Variants in CNGB3 observed in about 807,000 individuals in gnomAD.
The protein encoded by CNGB3 is cyclic nucleotide gated channel subunit beta 3.
CNGB3 carries 86 observed loss-of-function variants against 92.8 expected under a neutral mutation model. That is an observed-to-expected ratio of 0.93 (90% CI 0.78 to 1.11). The LOEUF (loss-of-function observed/expected upper bound fraction) is 1.11, where lower values mean the gene tolerates loss of function less well. Among genes scored for constraint, CNGB3 ranks in the 50% least tolerant of loss-of-function variants. CNGB3 has a pLI of 0.00. For synonymous variants in CNGB3, 333 were observed against 332.7 expected (o/e 1.00, Z -0.01); for missense variants, 1,026 against 956.8 (o/e 1.07, Z -0.95).
intron 14 of CNGB3, 28 bp from the exon 15 acceptor site, chr8:86,604,239 GTAGT>G (rs1223136199): frequency 1.5e-6 from 2 of 1,364,598 alleles, no homozygotes; most frequent in Non-Finnish European, 2.1e-6. Flanking sequence ...AGAGGAAATG[GTAGT>G]TACTTTATTC....
intron 3 of CNGB3, among the ~76,000 whole-genome samples, chr8:86,681,246 C>A (rs62525672): frequency 0.024 from 3,669 of 151,678 alleles, 68 homozygotes; most frequent in South Asian, 0.037. Flanking sequence ...TAGATTATTG[C>A]GAAAGGGAAT....
chr8:86,591,158 A>C lies in CNGB3; in HGVS notation c.1782-11906T>G, dbSNP rs986037518. On this transcript the variant is annotated intron_variant, in intron 15 of 17. Coordinates refer to ENST00000320005, the MANE Select transcript of CNGB3 (RefSeq NM_019098.5). The stretch of plus-strand genomic sequence containing the variant: ...GGCTCCTGAGGCTTCTGCATTCTTC[A>C]CGTAGTTCTCGAGCCTTGGTTTTCA... Among the ~76,000 whole-genome samples the C allele has an allele frequency of 1.0e-3, 156 of 149,190 alleles. 2 individuals are homozygous for C. The highest frequency in any genetic ancestry group is 3.6e-3 in the African/African-American group (144 of 40,522).
At chr8:86,607,269 T>A (rs1455964669) in intron 14 of CNGB3, among the ~76,000 whole-genome samples, 1 of 152,206 alleles carries the variant, frequency 6.6e-6, no homozygotes, top group African/African-American at 2.4e-5. Context: ...TTAATTAGCA[T>A]TCAAATTAAG....
At chr8:86,619,765 G>A (rs953146331) in intron 13 of CNGB3, among the ~76,000 whole-genome samples, 5 of 112,868 alleles carry the variant, frequency 4.4e-5, no homozygotes, top group Non-Finnish European at 8.3e-5. Flanking sequence ...ACAGGGTCTT[G>A]CTCTGTTGCC....
At chr8:86,642,067 A>G (rs1031505232) in intron 10 of CNGB3, among the ~76,000 whole-genome samples, 2 of 151,536 alleles carry the variant, frequency 1.3e-5, no homozygotes, top group African/African-American at 4.8e-5. Flanking sequence ...GCTTTTATAT[A>G]CCTATATATT....
chr8:86,611,437 C>A, intron 14 of CNGB3, 151 bp downstream of exon 14: 1 of 675,632 alleles, frequency 1.5e-6, no homozygotes, highest in Non-Finnish European at 2.7e-6. Context: ...TCTGAGAGCA[C>A]GTTATTGCTG....
intron 10 of CNGB3, among the ~76,000 whole-genome samples, chr8:86,637,939 GT>G (rs772937325): frequency 5.9e-5 from 9 of 152,084 alleles, no homozygotes; most frequent in Non-Finnish European, 1.0e-4. Flanking sequence ...CCGTGGATAA[GT>G]TTGCCTGTTT....
chr8:86,695,871 G>A (rs767816399), intron 3 of CNGB3, among the ~76,000 whole-genome samples: 7 of 151,998 alleles, frequency 4.6e-5, no homozygotes, highest in Non-Finnish European at 7.4e-5. Flanking sequence ...CCTTCTCTTC[G>A]AGATGGGGCT....
chr8:86,669,629 C>T (rs900092379), intron 4 of CNGB3, among the ~76,000 whole-genome samples: 3 of 152,116 alleles, frequency 2.0e-5, no homozygotes. Context: ...CTTTTAGCCT[C>T]TTCTGTTTAA....
intron 6 of CNGB3, among the ~76,000 whole-genome samples, chr8:86,664,917 G>A (rs946355043): frequency 1.3e-5 from 2 of 152,030 alleles, no homozygotes; most frequent in African/African-American, 4.8e-5. Flanking sequence ...TTACCACACT[G>A]AATAATAGTA....
intron 3 of CNGB3, among the ~76,000 whole-genome samples, chr8:86,724,072 T>C (rs1314648756): frequency 1.3e-5 from 2 of 152,130 alleles, no homozygotes; most frequent in African/African-American, 4.8e-5. Context: ...AAACTACCTA[T>C]TGTGTACTGT....
chr8:86,582,106 T>C (rs1184320432), intron 15 of CNGB3, among the ~76,000 whole-genome samples: 1 of 81,750 alleles, frequency 1.2e-5, no homozygotes, highest in Non-Finnish European at 3.0e-5. Context: ...ATTGGAGTTA[T>C]TAGGAAATAT....
chr8:86,603,995 C>T (rs1168398320), intron 15 of CNGB3, 98 bp downstream of exon 15: 2 of 811,968 alleles, frequency 2.5e-6, no homozygotes, highest in Non-Finnish European at 4.3e-6. Flanking sequence ...CACAATCAAA[C>T]CTTTGATAAA....
chr8:86,631,982 C>T (rs981290259), intron 11 of CNGB3, among the ~76,000 whole-genome samples: 2 of 152,074 alleles, frequency 1.3e-5, no homozygotes, highest in Admixed American at 6.5e-5. Flanking sequence ...ATCCCAACTG[C>T]CTTCTGTATC....
At chr8:86,666,819 A>T in intron 6 of CNGB3, 106 bp downstream of exon 6, 1 of 888,150 alleles carries the variant, frequency 1.1e-6, no homozygotes, top group Non-Finnish European at 1.8e-6. Context: ...GCAATTATCC[A>T]TGCAGATAGC....
intron 5 of CNGB3, 127 bp downstream of exon 5, chr8:86,667,892 A>G: frequency 9.6e-7 from 1 of 1,046,154 alleles, no homozygotes; most frequent in Non-Finnish European, 1.5e-6. Flanking sequence ...ATTTAATTTA[A>G]ATTCTGCTTC....
At chr8:86,610,916 T>C (rs937668551) in intron 14 of CNGB3, among the ~76,000 whole-genome samples, 25 of 152,196 alleles carry the variant, frequency 1.6e-4, no homozygotes, top group African/African-American at 5.5e-4. Context: ...AAAAATCATA[T>C]TGTAGATTAC....
At chr8:86,659,129 C>G (rs1823578374) in intron 6 of CNGB3, 4 of 711,262 alleles carry the variant, frequency 5.6e-6, no homozygotes, top group Non-Finnish European at 1.0e-5. Context: ...TGGTCTCCAG[C>G]TCCTGTACCC....
intron 3 of CNGB3, among the ~76,000 whole-genome samples, chr8:86,718,046 C>T (rs907239274): frequency 1.2e-4 from 18 of 151,930 alleles, no homozygotes; most frequent in African/African-American, 4.1e-4. Context: ...GCATTAAAGG[C>T]GTACATCAAA....
Sources: gnomAD v4.1 joint callset for allele counts (sites outside exome capture counted in the v4.1 genomes callset) on GRCh38, gnomAD v4.1.1 for gene constraint, MANE v1.5 for transcripts, NCBI Gene and HGNC (gene_info 2026-07-23, HGNC 2026-07-21) for gene names.